DGCR2: variants seen among roughly 807,000 people sequenced by gnomAD.
DGCR2 encodes the protein DiGeorge syndrome critical region gene 2, also known as integral membrane protein DGCR2/IDD.
Under a neutral mutation model 51.6 loss-of-function variants are expected in DGCR2, and 24 were observed. The observed-to-expected ratio is 0.47, with a 90% CI of 0.34 to 0.65. The LOEUF is 0.65. Ranked by LOEUF, DGCR2 falls within the 30% of genes least tolerant of loss-of-function variation. The probability of loss-of-function intolerance (pLI) is 0.01; values close to 1 mark genes in which losing one functional copy is unlikely to be tolerated. For missense variants in DGCR2, 765 were observed against 772.1 expected, an observed-to-expected ratio of 0.99 and a Z score of 0.11; for synonymous variants, 340 against 315.4, an observed-to-expected ratio of 1.08 and a Z score of -0.82.
At position 19,067,543 on chromosome 22, in the gene DGCR2, A is replaced by C. The variant is rs941817214; in HGVS notation, c.328+557T>G. 2.6e-5 allele frequency among the ~76,000 whole-genome samples: 4 copies of C among 151,886 alleles called. No individual in the cohort carries two copies. The South Asian group carries it at 8.3e-4, about 32-fold the overall frequency. On this transcript the variant is annotated intron_variant, in intron 3 of 9. Coordinates refer to ENST00000263196, the MANE Select transcript of DGCR2 (RefSeq NM_005137.3). ...CCCGGTCTCTACTAAAAATACAAAAATTAGCCGGGCGTGATGGCACGTGCC... is the reference window on the plus strand; with the variant it reads ...CCCGGTCTCTACTAAAAATACAAAACTTAGCCGGGCGTGATGGCACGTGCC...
At chr22:19,091,962 T>C (rs111443465) in intron 1 of DGCR2, among the ~76,000 whole-genome samples, 2,552 of 150,996 alleles carry the variant, frequency 0.017, 77 homozygotes, top group African/African-American at 0.059. Context: ...AACAGAAAAA[T>C]AGAGAAAATA....
chr22:19,103,731 A>G (rs1458966630), intron 1 of DGCR2, among the ~76,000 whole-genome samples: 1 of 142,080 alleles, frequency 7.0e-6, no homozygotes, highest in African/African-American at 2.6e-5. Context: ...CCCGGCCAAA[A>G]AAATTCTTAA....
intron 7 of DGCR2, among the ~76,000 whole-genome samples, chr22:19,042,434 G>A (rs908029231): frequency 2.0e-5 from 3 of 152,252 alleles, no homozygotes; most frequent in African/African-American, 7.2e-5. Flanking sequence ...TTGGGAGGAA[G>A]GTGCTCAGTT....
chr22:19,058,759 C>A (rs2146327529), intron 5 of DGCR2, among the ~76,000 whole-genome samples: 1 of 152,338 alleles, frequency 6.6e-6, no homozygotes, highest in African/African-American at 2.4e-5. Flanking sequence ...AGTCCTGGGA[C>A]CCAGCATTTG....
At chr22:19,063,112 G>A in intron 5 of DGCR2, 90 bp downstream of exon 5, 1 of 1,276,072 alleles carries the variant, frequency 7.8e-7, no homozygotes. Context: ...CTACGGGCCA[G>A]GCAGCACTGG....
chr22:19,085,706 T>A (rs1014796139), intron 2 of DGCR2, among the ~76,000 whole-genome samples: 6 of 152,256 alleles, frequency 3.9e-5, no homozygotes, highest in African/African-American at 1.4e-4. Flanking sequence ...TACTGTTACA[T>A]CTTTCCCCTT....
At chr22:19,049,454 T>TA (rs1255537381) in intron 6 of DGCR2, among the ~76,000 whole-genome samples, 2 of 152,130 alleles carry the variant, frequency 1.3e-5, no homozygotes, top group African/African-American at 4.8e-5. Flanking sequence ...GGTAGCTTCT[T>TA]ACAGTCTCCA....
At chr22:19,090,852 G>C (rs1601270575) in intron 1 of DGCR2, among the ~76,000 whole-genome samples, 1 of 151,682 alleles carries the variant, frequency 6.6e-6, no homozygotes, top group African/African-American at 2.4e-5. Context: ...GAAAACAAAG[G>C]GTAATATGGT....
chr22:19,063,813 A>G (rs1345716732), intron 4 of DGCR2, among the ~76,000 whole-genome samples: 2 of 152,212 alleles, frequency 1.3e-5, no homozygotes, highest in Admixed American at 6.5e-5. Context: ...GAACAATCTT[A>G]TTCTTGGTAG....
At chr22:19,117,784 A>T (rs2083388882) in intron 1 of DGCR2, among the ~76,000 whole-genome samples, 1 of 152,226 alleles carries the variant, frequency 6.6e-6, no homozygotes, top group South Asian at 2.1e-4. Flanking sequence ...TTGTCAAGAA[A>T]AAAAAGGAAA....
At chr22:19,105,572 A>T (rs2800972) in intron 1 of DGCR2, among the ~76,000 whole-genome samples, 5 of 152,102 alleles carry the variant, frequency 3.3e-5, no homozygotes, top group African/African-American at 1.2e-4. Flanking sequence ...GGAGCGATGC[A>T]CGCTCTGGAA....
At chr22:19,053,755 G>A (rs1012905269) in intron 6 of DGCR2, among the ~76,000 whole-genome samples, 3 of 152,106 alleles carry the variant, frequency 2.0e-5, no homozygotes, top group Non-Finnish European at 2.9e-5. Flanking sequence ...TTCCCCACAG[G>A]GAATTTAAAA....
intron 6 of DGCR2, among the ~76,000 whole-genome samples, chr22:19,053,539 G>A (rs964987837): frequency 3.3e-5 from 5 of 152,012 alleles, no homozygotes; most frequent in East Asian, 3.9e-4. Flanking sequence ...CCAGATCAAC[G>A]CCCTGCACTG....
intron 6 of DGCR2, among the ~76,000 whole-genome samples, chr22:19,054,596 A>T (rs1302992137): frequency 6.6e-6 from 1 of 152,160 alleles, no homozygotes; most frequent in Non-Finnish European, 1.5e-5. Flanking sequence ...TATAATACAG[A>T]AATGAGTCAA....
At chr22:19,074,311 G>A (rs1360080651) in intron 2 of DGCR2, among the ~76,000 whole-genome samples, 4 of 151,562 alleles carry the variant, frequency 2.6e-5, no homozygotes, top group East Asian at 3.9e-4. Context: ...CTGTAATCCC[G>A]GCTACTCAGG....
chr22:19,064,351 A>T (rs972935228), intron 4 of DGCR2, among the ~76,000 whole-genome samples: 3 of 152,246 alleles, frequency 2.0e-5, no homozygotes, highest in African/African-American at 7.2e-5. Context: ...TAGCTGCAGA[A>T]GGAAAAACAA....
chr22:19,082,743 C>T (rs1329745231), intron 2 of DGCR2, among the ~76,000 whole-genome samples: 1 of 148,098 alleles, frequency 6.8e-6, no homozygotes, highest in Non-Finnish European at 1.5e-5. Context: ...GGTGACAGAG[C>T]GAAACTCCAT....
intron 2 of DGCR2, among the ~76,000 whole-genome samples, chr22:19,074,031 G>A (rs1356421759): frequency 1.3e-5 from 2 of 152,104 alleles, no homozygotes; most frequent in Non-Finnish European, 2.9e-5. Flanking sequence ...CTGTAACTGA[G>A]GGGACATCAG....
intron 1 of DGCR2, chr22:19,121,389 G>A (rs1400075635): frequency 6.6e-6 from 1 of 152,210 alleles, no homozygotes; most frequent in Non-Finnish European, 1.5e-5. Context: ...GGATACATCG[G>A]CCCTGCATTT....
Sources: gnomAD v4.1 joint callset for allele counts (sites outside exome capture counted in the v4.1 genomes callset) on GRCh38, gnomAD v4.1.1 for gene constraint, MANE v1.5 for transcripts, NCBI Gene and HGNC (gene_info 2026-07-23, HGNC 2026-07-21) for gene names.